The following ATAD2B variants were observed in gnomAD, a reference collection of about 807,000 sequenced individuals.
The protein encoded by ATAD2B is ATPase family AAA domain-containing protein 2B.
In ATAD2B, 40 loss-of-function variants were observed where a neutral mutation model predicts 167.6. The observed-to-expected ratio is 0.24, with a 90% CI of 0.19 to 0.31. The LOEUF is 0.31. Among genes scored for constraint, ATAD2B ranks in the 10% least tolerant of loss-of-function variants. ATAD2B has a pLI of 1.00. For synonymous variants in ATAD2B, 579 were observed against 596.5 expected (o/e 0.97, Z 0.43); for missense variants, 1,242 against 1,757.2 (o/e 0.71, Z 5.24).
At chr2:23,785,622 G>T (rs138172088) in intron 21 of ATAD2B, 1 of 154,100 alleles carries the variant, frequency 6.5e-6, no homozygotes, top group East Asian at 1.9e-4. Flanking sequence ...CAGGTTTTTA[G>T]CTACCTCTTT....
At chr2:23,706,471 C>A in the ATAD2B span, 1 of 1,476,866 alleles carries the variant, frequency 6.8e-7, no homozygotes, top group South Asian at 1.4e-5. Context: ...TCCCCGCTTT[C>A]CCCCAACAGT....
chr2:23,711,287 A>T, the ATAD2B span, among the ~76,000 whole-genome samples: 7 of 146,122 alleles, frequency 4.8e-5, no homozygotes, highest in African/African-American at 1.0e-4. Context: ...AAATATATAT[A>T]TTTTTAAAAA....
chr2:23,776,151 G>A (rs1390494908), intron 22 of ATAD2B, among the ~76,000 whole-genome samples: 1 of 152,054 alleles, frequency 6.6e-6, no homozygotes, highest in Admixed American at 6.6e-5. Flanking sequence ...TCTGCATTTT[G>A]TCTGGGTTTA....
chr2:23,901,842 C>A (rs887752101), intron 1 of ATAD2B, among the ~76,000 whole-genome samples: 14 of 151,776 alleles, frequency 9.2e-5, no homozygotes, highest in Admixed American at 5.9e-4. Context: ...GTACTAGTTT[C>A]CCAAACATAC....
chr2:23,885,294 A>G (rs78848559), intron 5 of ATAD2B, among the ~76,000 whole-genome samples: 9,857 of 152,306 alleles, frequency 0.065, 406 homozygotes, highest in African/African-American at 0.12. Context: ...AAACAAAGGT[A>G]GAACTGCATC....
the ATAD2B span, among the ~76,000 whole-genome samples, chr2:23,727,805 A>G: frequency 7.9e-5 from 12 of 152,350 alleles, no homozygotes; most frequent in East Asian, 2.3e-3. Context: ...GTGAATGAAC[A>G]AATCTGAAAA....
chr2:23,732,103 A>G, the ATAD2B span, among the ~76,000 whole-genome samples: 1 of 152,206 alleles, frequency 6.6e-6, no homozygotes, highest in Admixed American at 6.5e-5. Flanking sequence ...TGAGTGCTCA[A>G]TAGCTACCAT....
At chr2:23,773,538 G>T (rs755703685) in intron 22 of ATAD2B, among the ~76,000 whole-genome samples, 1 of 152,122 alleles carries the variant, frequency 6.6e-6, no homozygotes, top group Admixed American at 6.5e-5. Context: ...GGGAAAAAAA[G>T]AATAGAATAA....
intron 10 of ATAD2B, chr2:23,865,918 T>C: frequency 1.1e-6 from 1 of 913,568 alleles, no homozygotes; most frequent in Non-Finnish European, 1.3e-6. Flanking sequence ...AAGAAAATTT[T>C]ACCCAAAGTG....
rs796269872 is a variant in ATAD2B, at chr2:23,756,429, G to C, written c.4078+989C>G. Among the ~76,000 whole-genome samples the C allele has an allele frequency of 4.6e-5, 7 of 152,028 alleles. No homozygotes were observed. The South Asian group carries it at 1.5e-3, about 32-fold the overall frequency. On this transcript the variant is annotated intron_variant, in intron 25 of 27. Transcript: ENST00000238789. ...ATTTTCCCACATAGCCCAAATCCCA[G>C]GCTGAAGCTGTGTTCTCCACTCCAC...
At position 23,926,547 on chromosome 2, in the gene ATAD2B, G is replaced by A; in HGVS notation, c.216+8C>T. ...CGAGCCTCCGGACTCGGGACGCCGC[G>A]CTCTTACCCTGGCCTCATCCAGAGT... is the stretch of plus-strand genomic sequence containing the variant. On this transcript the variant is annotated splice_region_variant and intron_variant, in intron 1 of 27. Coordinates refer to ENST00000238789, the MANE Select transcript of ATAD2B (RefSeq NM_017552.4). The A allele has an allele frequency of 6.5e-7, 1 of 1,543,106 alleles. No homozygotes were observed. Among genetic ancestry groups the A allele is most frequent in the South Asian group, 1.2e-5 (1 of 83,982 alleles).
the ATAD2B span, among the ~76,000 whole-genome samples, chr2:23,688,226 G>T: frequency 6.6e-6 from 1 of 152,224 alleles, no homozygotes; most frequent in African/African-American, 2.4e-5. Flanking sequence ...CAGGGAGACT[G>T]GGTGCATGCC....
intron 23 of ATAD2B, among the ~76,000 whole-genome samples, chr2:23,763,180 A>AC (rs1676967530): frequency 6.6e-6 from 1 of 152,194 alleles, no homozygotes; most frequent in Non-Finnish European, 1.5e-5. Context: ...ATTAGTATCT[A>AC]CTAAGTCACT....
chr2:23,724,973 G>A, the ATAD2B span, among the ~76,000 whole-genome samples: 2 of 148,180 alleles, frequency 1.3e-5, no homozygotes, highest in Non-Finnish European at 3.0e-5. Context: ...AACCTAGGAG[G>A]CGGAGCTTGC....
chr2:23,872,410 A>T, intron 8 of ATAD2B: 1 of 709,796 alleles, frequency 1.4e-6, no homozygotes. Flanking sequence ...CTCTTCAGAG[A>T]GACCATCCAA....
At chr2:23,738,153 A>C in the ATAD2B span, among the ~76,000 whole-genome samples, 1 of 152,258 alleles carries the variant, frequency 6.6e-6, no homozygotes, top group East Asian at 1.9e-4. Flanking sequence ...GAAGTTCCCC[A>C]ATCTAGCAAG....
At chr2:23,820,891 G>C (rs1170685793) in intron 16 of ATAD2B, among the ~76,000 whole-genome samples, 1 of 152,100 alleles carries the variant, frequency 6.6e-6, no homozygotes, top group East Asian at 1.9e-4. Flanking sequence ...GGAGCTTGCA[G>C]TGAGCCAAGA....
chr2:23,912,316 G>T (rs994653840), intron 1 of ATAD2B, among the ~76,000 whole-genome samples: 3 of 152,048 alleles, frequency 2.0e-5, no homozygotes, highest in African/African-American at 7.2e-5. Flanking sequence ...GGGCAACAAA[G>T]GGAGATAACA....
intron 1 of ATAD2B, among the ~76,000 whole-genome samples, chr2:23,907,665 G>C (rs1206077281): frequency 1.3e-5 from 2 of 152,054 alleles, no homozygotes; most frequent in Admixed American, 6.6e-5. Flanking sequence ...AACCAAAAAA[G>C]AGCCCCCATT....
Sources: gnomAD v4.1 joint callset for allele counts (sites outside exome capture counted in the v4.1 genomes callset) on GRCh38, gnomAD v4.1.1 for gene constraint, MANE v1.5 for transcripts, NCBI Gene and HGNC (gene_info 2026-07-23, HGNC 2026-07-21) for gene names.